The following COG3 variants were observed in gnomAD, a reference collection of about 807,000 sequenced individuals.
COG3 encodes conserved oligomeric Golgi complex subunit 3.
Under a neutral mutation model 114.1 loss-of-function variants are expected in COG3, and 32 were observed. The ratio of observed to expected loss-of-function variants is 0.28; its 90% CI spans 0.21 to 0.38. The LOEUF (loss-of-function observed/expected upper bound fraction) is 0.38, where lower values mean the gene tolerates loss of function less well. Ranked by LOEUF, COG3 falls within the 10% of genes least tolerant of loss-of-function variation. The pLI, the probability that COG3 is intolerant of heterozygous loss-of-function variation, is 1.00. For synonymous variants in COG3, 352 were observed against 365.7 expected (o/e 0.96, Z 0.43); for missense variants, 813 against 973.2 (o/e 0.84, Z 2.19).
chr13:45,478,209 T>G (rs1886009447), intron 2 of COG3, among the ~76,000 whole-genome samples: 1 of 117,830 alleles, frequency 8.5e-6, no homozygotes, highest in Non-Finnish European at 1.9e-5. Context: ...TTTTTTTTTT[T>G]GAGACGGAGT....
chr13:45,493,284 C>A, intron 11 of COG3, 63 bp from the exon 12 acceptor site: 1 of 1,366,992 alleles, frequency 7.3e-7, no homozygotes. Flanking sequence ...ATGAGGATTT[C>A]TAAATTATTA....
chr13:45,482,556 T>C (rs1886316814), intron 6 of COG3, 83 bp downstream of exon 6: 4 of 660,096 alleles, frequency 6.1e-6, no homozygotes, highest in Non-Finnish European at 1.0e-5. Context: ...TTTCAACTTT[T>C]CTGTGTTTAG....
intron 13 of COG3, among the ~76,000 whole-genome samples, chr13:45,499,034 A>AC (rs1869174169): frequency 6.6e-6 from 1 of 151,816 alleles, no homozygotes; most frequent in Non-Finnish European, 1.5e-5. Context: ...GTATTTAGAA[A>AC]CCAAGATCTG....
Position 45,492,765 on chromosome 13 carries a change from T to C in COG3, c.1187+515T>C, listed in dbSNP as rs143762068. On this transcript the variant is annotated intron_variant, in intron 11 of 22. Coordinates refer to ENST00000349995, the MANE Select transcript of COG3 (RefSeq NM_031431.4). ...TAATGAGGAAGAGAAAAGTATTTTATGGTTTTAGTTGAAGTGATCACTTTT... is the reference window on the plus strand; with the variant it reads ...TAATGAGGAAGAGAAAAGTATTTTACGGTTTTAGTTGAAGTGATCACTTTT... Among the ~76,000 whole-genome samples the C allele has an allele frequency of 6.2e-4, 94 of 152,314 alleles. 1 individual carries two copies.
At chr13:45,485,076 T>C (rs7491043) in intron 7 of COG3, among the ~76,000 whole-genome samples, 97,131 of 120,502 alleles carry the variant, frequency 0.81, 38,049 homozygotes, top group Middle Eastern at 0.88. Context: ...TCCACAAAGC[T>C]GCCATTGTCA....
At chr13:45,503,440 A>G in intron 14 of COG3, 91 bp downstream of exon 14, 1 of 712,900 alleles carries the variant, frequency 1.4e-6, no homozygotes, top group Non-Finnish European at 2.5e-6. Context: ...ATGAAAAACA[A>G]CTTGTGCCTT....
At chr13:45,472,947 G>C (rs894428035) in intron 1 of COG3, among the ~76,000 whole-genome samples, 1 of 152,118 alleles carries the variant, frequency 6.6e-6, no homozygotes, top group African/African-American at 2.4e-5. Flanking sequence ...ATAGCTCACT[G>C]CAAGCTCCGC....
intron 1 of COG3, among the ~76,000 whole-genome samples, chr13:45,466,950 A>G (rs1287453981): frequency 1.3e-5 from 2 of 152,218 alleles, no homozygotes; most frequent in African/African-American, 4.8e-5. Flanking sequence ...CCTTAGCCTC[A>G]TAGAGCTGAC....
intron 15 of COG3, among the ~76,000 whole-genome samples, chr13:45,511,059 T>C (rs1870805401): frequency 6.6e-6 from 1 of 152,130 alleles, no homozygotes; most frequent in Non-Finnish European, 1.5e-5. Flanking sequence ...GCAAGGGGAC[T>C]GACAGGAGTC....
chr13:45,497,670 C>T (rs1031950697), intron 13 of COG3, among the ~76,000 whole-genome samples: 5 of 152,006 alleles, frequency 3.3e-5, no homozygotes, highest in African/African-American at 7.2e-5. Flanking sequence ...CCTGTGATCC[C>T]AGCTACTCAG....
chr13:45,508,071 A>G (rs1423184518), intron 14 of COG3, among the ~76,000 whole-genome samples: 1 of 118,412 alleles, frequency 8.4e-6, no homozygotes. Context: ...TCCAACCTAA[A>G]AAAAAAAAAA....
At chr13:45,478,797 G>A (rs7323468) in intron 2 of COG3, among the ~76,000 whole-genome samples, 9,073 of 152,270 alleles carry the variant, frequency 0.06, 677 homozygotes, top group African/African-American at 0.18. Context: ...TGAAATGGCC[G>A]ATGTTTTAAT....
chr13:45,497,986 A>G (rs1037746383), intron 13 of COG3, among the ~76,000 whole-genome samples: 1 of 152,254 alleles, frequency 6.6e-6, no homozygotes, highest in African/African-American at 2.4e-5. Context: ...AGAAACTTTC[A>G]GTAGGTAACT....
chr13:45,478,176 C>T (rs77236988), intron 2 of COG3, among the ~76,000 whole-genome samples: 2 of 146,220 alleles, frequency 1.4e-5, no homozygotes, highest in South Asian at 4.5e-4. Flanking sequence ...TTTTTCAATC[C>T]TTAAGACATC....
chr13:45,506,255 G>A (rs1030961794), intron 14 of COG3, among the ~76,000 whole-genome samples: 5 of 152,216 alleles, frequency 3.3e-5, no homozygotes, highest in South Asian at 2.1e-4. Context: ...TGTAGCAGAC[G>A]TCTTGGGAGA....
intron 20 of COG3, among the ~76,000 whole-genome samples, 191 bp downstream of exon 20, chr13:45,525,242 T>A (rs1428914268): frequency 3.3e-5 from 5 of 152,096 alleles, no homozygotes; most frequent in Non-Finnish European, 5.9e-5. Flanking sequence ...CAGCAAGCAT[T>A]CCAAGGAAGG....
At chr13:45,489,950 C>T (rs1234466497) in intron 8 of COG3, among the ~76,000 whole-genome samples, 4 of 151,798 alleles carry the variant, frequency 2.6e-5, no homozygotes, top group Admixed American at 2.0e-4. Flanking sequence ...AGTTGTGGTA[C>T]TTAATATATT....
intron 1 of COG3, among the ~76,000 whole-genome samples, chr13:45,467,819 A>C (rs898729708): frequency 1.3e-5 from 2 of 152,214 alleles, no homozygotes; most frequent in Non-Finnish European, 1.5e-5. Context: ...AGTATAACTC[A>C]AGGATTTTCT....
At chr13:45,487,885 A>G (rs1270944747) in intron 8 of COG3, among the ~76,000 whole-genome samples, 2 of 152,336 alleles carry the variant, frequency 1.3e-5, no homozygotes, top group South Asian at 2.1e-4. Context: ...TCTACTGGGT[A>G]TTTATCCAAA....
Sources: gnomAD v4.1 joint callset for allele counts (sites outside exome capture counted in the v4.1 genomes callset) on GRCh38, gnomAD v4.1.1 for gene constraint, MANE v1.5 for transcripts, NCBI Gene and HGNC (gene_info 2026-07-23, HGNC 2026-07-21) for gene names.